Variants in KCNT2 observed in about 807,000 individuals in gnomAD.
KCNT2 encodes potassium channel subfamily T member 2.
In KCNT2, 67 loss-of-function variants were observed where a neutral mutation model predicts 153.8. The ratio of observed to expected loss-of-function variants is 0.44; its 90% CI spans 0.36 to 0.53. KCNT2 has a LOEUF of 0.53. Among genes scored for constraint, KCNT2 ranks in the 20% least tolerant of loss-of-function variants. The pLI is 0.00. For missense variants in KCNT2, 975 were observed against 1,354.8 expected (o/e 0.72, Z 4.40); for synonymous variants, 500 against 458.8 (o/e 1.09, Z -1.15).
At chr1:196,522,181 AT>A (rs756216327) in intron 1 of KCNT2, among the ~76,000 whole-genome samples, 3 of 152,178 alleles carry the variant, frequency 2.0e-5, no homozygotes, top group Non-Finnish European at 2.9e-5. Context: ...CTGCATGCAT[AT>A]TTACAAATTT....
intron 27 of KCNT2, 47 bp from the exon 28 acceptor site, chr1:196,228,382 G>T (rs1653656838): frequency 4.2e-6 from 4 of 956,168 alleles, no homozygotes; most frequent in African/African-American, 3.3e-5. Context: ...GTAAATACAG[G>T]CAACATTAAT....
intron 8 of KCNT2, among the ~76,000 whole-genome samples, chr1:196,452,870 G>A (rs75118919): frequency 0.011 from 1,743 of 151,902 alleles, 28 homozygotes; most frequent in South Asian, 0.071. Flanking sequence ...TTCAACTGAT[G>A]AGGTCCACCC....
At chr1:196,556,229 G>A (rs1211130724) in intron 1 of KCNT2, among the ~76,000 whole-genome samples, 1 of 151,420 alleles carries the variant, frequency 6.6e-6, no homozygotes, top group Non-Finnish European at 1.5e-5. Context: ...CAGAATGGGA[G>A]AAAGTATTTC....
At chr1:196,293,544 C>T (rs965454427) in intron 22 of KCNT2, among the ~76,000 whole-genome samples, 6 of 152,084 alleles carry the variant, frequency 3.9e-5, no homozygotes, top group African/African-American at 7.2e-5. Context: ...TGCCAGGCCA[C>T]ACCATGGAGA....
At chr1:196,385,702 C>T (rs1856689) in intron 13 of KCNT2, among the ~76,000 whole-genome samples, 1 of 151,198 alleles carries the variant, frequency 6.6e-6, no homozygotes, top group Middle Eastern at 3.2e-3. Context: ...AGCACACATT[C>T]TGGAGACAGA....
At chr1:196,459,785 C>T (rs988201129) in intron 8 of KCNT2, among the ~76,000 whole-genome samples, 4 of 151,758 alleles carry the variant, frequency 2.6e-5, no homozygotes, top group South Asian at 2.1e-4. Context: ...TTTGCCTCAA[C>T]GTAGCTTACT....
intron 25 of KCNT2, among the ~76,000 whole-genome samples, chr1:196,278,838 T>C (rs1658822823): frequency 2.0e-5 from 3 of 152,288 alleles, no homozygotes; most frequent in Admixed American, 2.0e-4. Context: ...TTGTTCTCCA[T>C]CACCCCACAA....
chr1:196,476,704 TA>T lies in KCNT2; in HGVS notation c.384+2474del, dbSNP rs1216738098. ...TAAACCTCAGGTTTCTATTCCAGCT[TA>T]CTTACTTCTTACTTATTATAAACTT... On this transcript the variant is annotated intron_variant, in intron 5 of 27. Transcript: ENST00000294725. Among the ~76,000 whole-genome samples, 3 of 152,302 alleles carry T rather than the reference TA, an allele frequency of 2.0e-5. No individual in the cohort carries two copies. The East Asian group carries it at 5.8e-4, about 29-fold the overall frequency.
intron 10 of KCNT2, among the ~76,000 whole-genome samples, chr1:196,426,341 C>T (rs1437381341): frequency 5.3e-5 from 8 of 151,946 alleles, no homozygotes; most frequent in Non-Finnish European, 8.8e-5. Flanking sequence ...GAACACCAGG[C>T]AGAAGCATTT....
At chr1:196,273,419 T>C (rs1217914703) in intron 25 of KCNT2, 5 of 1,278,998 alleles carry the variant, frequency 3.9e-6, no homozygotes, top group Non-Finnish European at 4.4e-6. Context: ...AGCTCTGAAT[T>C]AATATATTAC....
chr1:196,257,738 A>G, intron 26 of KCNT2: 2 of 984,282 alleles, frequency 2.0e-6, no homozygotes, highest in South Asian at 4.7e-5. Flanking sequence ...GTTTTTGAAG[A>G]TTTTGTTTCT....
chr1:196,315,971 C>A lies in KCNT2; in HGVS notation c.2404G>T (p.Asp802Tyr). 6.2e-7 allele frequency: 1 copy of A among 1,610,538 alleles called. No individual in the cohort carries two copies. Among genetic ancestry groups the A allele is most frequent in the East Asian group, 2.2e-5 (1 of 44,708 alleles). The change falls in exon 21 of 28, where the codon GAT (aspartate) becomes TAT (tyrosine). Residue 802 changes from aspartate (D) to tyrosine (Y), a missense_variant. Physicochemically the swap from Asp to Tyr is radical, Grantham distance 160 (BLOSUM62 -3). Coordinates refer to ENST00000294725, the MANE Select transcript of KCNT2 (RefSeq NM_198503.5). ...VTFAANMVVV[D>Y]KESTMSAEED... ...TCGGCACTCATGGTGCTCTCTTTAT[C>A]CACAACCACCATATTAGCAGCAAAA...
At chr1:196,411,680 C>A (rs980764692) in intron 12 of KCNT2, among the ~76,000 whole-genome samples, 2 of 151,664 alleles carry the variant, frequency 1.3e-5, no homozygotes, top group Non-Finnish European at 2.9e-5. Context: ...TCAAATGGTT[C>A]ATTGTTAGTG....
At chr1:196,245,462 C>G (rs563687304) in intron 26 of KCNT2, among the ~76,000 whole-genome samples, 89 of 152,326 alleles carry the variant, frequency 5.8e-4, no homozygotes, top group Admixed American at 2.6e-3. Flanking sequence ...TACCCAGACA[C>G]TGATGAACAT....
intron 8 of KCNT2, among the ~76,000 whole-genome samples, chr1:196,457,647 T>C (rs974000219): frequency 6.6e-6 from 1 of 151,894 alleles, no homozygotes; most frequent in African/African-American, 2.4e-5. Flanking sequence ...ACAACCTAGA[T>C]AGCACGCACT....
At chr1:196,582,525 A>T (rs1054707290) in intron 1 of KCNT2, 4 of 154,278 alleles carry the variant, frequency 2.6e-5, no homozygotes, top group African/African-American at 4.8e-5. Context: ...AGTGGAGCTG[A>T]GATTTTTAGA....
chr1:196,407,587 G>A (rs149238604), intron 12 of KCNT2, among the ~76,000 whole-genome samples: 1 of 151,460 alleles, frequency 6.6e-6, no homozygotes, highest in East Asian at 2.0e-4. Flanking sequence ...TTATGTGCTT[G>A]TTTCAGTGCC....
At chr1:196,456,981 T>C (rs1305225161) in intron 8 of KCNT2, among the ~76,000 whole-genome samples, 1 of 151,974 alleles carries the variant, frequency 6.6e-6, no homozygotes, top group East Asian at 1.9e-4. Context: ...AGGAATTCTT[T>C]GTATTTTCCA....
intron 26 of KCNT2, among the ~76,000 whole-genome samples, chr1:196,247,821 A>G (rs111817994): frequency 9.9e-4 from 150 of 152,250 alleles, no homozygotes; most frequent in African/African-American, 3.5e-3. Context: ...TCCATATTAC[A>G]TTTCATCCAA....
Sources: gnomAD v4.1 joint callset for allele counts (sites outside exome capture counted in the v4.1 genomes callset) on GRCh38, gnomAD v4.1.1 for gene constraint, MANE v1.5 for transcripts, NCBI Gene and HGNC (gene_info 2026-07-23, HGNC 2026-07-21) for gene names.